The following TNFAIP8 variants were observed in gnomAD, a reference collection of about 807,000 sequenced individuals.
TNFAIP8 encodes the protein tumor necrosis factor alpha-induced protein 8.
Under a neutral mutation model 13.3 loss-of-function variants are expected in TNFAIP8, and 7 were observed. The observed-to-expected ratio is 0.52, with a 90% confidence interval of 0.30 to 0.99. TNFAIP8 has a LOEUF of 0.99. Ranked by LOEUF, TNFAIP8 falls within the 50% of genes least tolerant of loss-of-function variation. TNFAIP8 has a pLI of 0.07. For missense variants in TNFAIP8, 258 were observed against 236.9 expected (o/e 1.09, Z -0.58); for synonymous variants, 94 against 87.6 (o/e 1.07, Z -0.41).
chr5:119,383,435 C>T (rs1320980963), intron 1 of TNFAIP8, among the ~76,000 whole-genome samples: 2 of 152,340 alleles, frequency 1.3e-5, no homozygotes, highest in Middle Eastern at 6.8e-3. Context: ...TACATACTTG[C>T]TACCTTCTCA....
chr5:119,350,023 C>A (rs531600099), intron 1 of TNFAIP8, among the ~76,000 whole-genome samples: 30 of 152,310 alleles, frequency 2.0e-4, no homozygotes, highest in African/African-American at 7.0e-4. Flanking sequence ...AATCATGTAA[C>A]CTCCATTTCT....
At chr5:119,350,409 G>A (rs774391150) in intron 1 of TNFAIP8, among the ~76,000 whole-genome samples, 7 of 152,094 alleles carry the variant, frequency 4.6e-5, no homozygotes, top group Non-Finnish European at 8.8e-5. Context: ...GAGCATCTTC[G>A]GATTTTGGTA....
intron 1 of TNFAIP8, among the ~76,000 whole-genome samples, chr5:119,305,922 C>A (rs970389196): frequency 1.2e-4 from 19 of 152,220 alleles, no homozygotes; most frequent in Admixed American, 1.2e-3. Context: ...TTCCCACTTA[C>A]CTGTGCCGTG....
intron 1 of TNFAIP8, among the ~76,000 whole-genome samples, chr5:119,327,272 A>G (rs1750251695): frequency 6.6e-6 from 1 of 152,136 alleles, no homozygotes; most frequent in African/African-American, 2.4e-5. Flanking sequence ...TGTGGAGTAC[A>G]TGAACATGTG....
intron 1 of TNFAIP8, among the ~76,000 whole-genome samples, chr5:119,319,574 G>C (rs111238341): frequency 2.9e-4 from 44 of 152,244 alleles, no homozygotes; most frequent in African/African-American, 1.1e-3. Flanking sequence ...TAGAATTGGG[G>C]AACAAGATGG....
At chr5:119,367,937 A>T (rs1178781549) in intron 1 of TNFAIP8, among the ~76,000 whole-genome samples, 1 of 152,220 alleles carries the variant, frequency 6.6e-6, no homozygotes, top group Admixed American at 6.5e-5. Flanking sequence ...AAAATGAAAT[A>T]AGAGGATATT....
intron 1 of TNFAIP8, among the ~76,000 whole-genome samples, chr5:119,294,677 C>G (rs969143223): frequency 6.6e-6 from 1 of 152,018 alleles, no homozygotes; most frequent in African/African-American, 2.4e-5. Flanking sequence ...GACTCCACAT[C>G]CTCTCCACAT....
intron 1 of TNFAIP8, among the ~76,000 whole-genome samples, chr5:119,270,430 G>C (rs1748251658): frequency 6.6e-6 from 1 of 152,164 alleles, no homozygotes; most frequent in South Asian, 2.1e-4. Flanking sequence ...GCAAGCTATG[G>C]TTGTTGTTGT....
chr5:119,308,854 CAAAAAAAAA>C, intron 1 of TNFAIP8, among the ~76,000 whole-genome samples: 1 of 58,142 alleles, frequency 1.7e-5, no homozygotes, highest in Non-Finnish European at 4.8e-5. Context: ...GACTCCATCT[CAAAAAAAAA>C]AAAAAAAAAA....
intron 1 of TNFAIP8, among the ~76,000 whole-genome samples, chr5:119,356,335 G>A (rs1033488182): frequency 3.3e-5 from 5 of 152,158 alleles, no homozygotes; most frequent in Non-Finnish European, 2.9e-5. Context: ...GGGAGGGGAG[G>A]AAAAGTCGGA....
intron 1 of TNFAIP8, among the ~76,000 whole-genome samples, chr5:119,332,222 A>G (rs148462926): frequency 1.6e-3 from 251 of 152,308 alleles, no homozygotes; most frequent in African/African-American, 5.8e-3. Context: ...ATTTAGGTCA[A>G]TAATAATGCT....
At chr5:119,333,138 C>A (rs990983773) in intron 1 of TNFAIP8, 29 of 821,578 alleles carry the variant, frequency 3.5e-5, no homozygotes, top group African/African-American at 4.2e-5. Flanking sequence ...TTTCTATTTT[C>A]TAGCATGTTG....
At chr5:119,372,315 CCT>C (rs1230882926) in intron 1 of TNFAIP8, among the ~76,000 whole-genome samples, 4 of 119,910 alleles carry the variant, frequency 3.3e-5, no homozygotes, top group Non-Finnish European at 7.2e-5. Context: ...AGAGTGAGAC[CCT>C]GTCTCAAAAA....
At chr5:119,275,773 G>C (rs777424740) in intron 1 of TNFAIP8, among the ~76,000 whole-genome samples, 4 of 152,032 alleles carry the variant, frequency 2.6e-5, no homozygotes, top group African/African-American at 9.7e-5. Context: ...AATAATAAAG[G>C]TTTGCTACTG....
intron 1 of TNFAIP8, among the ~76,000 whole-genome samples, chr5:119,356,712 GT>G (rs1187400789): frequency 1.3e-5 from 2 of 152,128 alleles, no homozygotes; most frequent in Admixed American, 1.3e-4. Flanking sequence ...ACTGAGAAGA[GT>G]TTGTCTGTTT....
intron 1 of TNFAIP8, among the ~76,000 whole-genome samples, chr5:119,321,366 G>A (rs1156448952): frequency 6.6e-6 from 1 of 151,762 alleles, no homozygotes; most frequent in African/African-American, 2.4e-5. Context: ...AGCCAAGATT[G>A]AGAATCTGGA....
intron 1 of TNFAIP8, among the ~76,000 whole-genome samples, chr5:119,282,403 T>C (rs1274146415): frequency 2.6e-5 from 4 of 152,218 alleles, no homozygotes; most frequent in African/African-American, 9.6e-5. Context: ...TTTCCTCTGA[T>C]CTGGTGAGGC....
chr5:119,300,324 A>G (rs1191682762), intron 1 of TNFAIP8, among the ~76,000 whole-genome samples: 1 of 152,226 alleles, frequency 6.6e-6, no homozygotes, highest in Admixed American at 6.5e-5. Context: ...AAAGAAGGTT[A>G]AATTTGGTTC....
chr5:119,375,136 C>T (rs1012769723), intron 1 of TNFAIP8, among the ~76,000 whole-genome samples: 1 of 152,190 alleles, frequency 6.6e-6, no homozygotes, highest in Admixed American at 6.5e-5. Context: ...AGCTTTGCTT[C>T]AAATGGAGGA....
Sources: allele counts gnomAD v4.1 joint callset (sites outside exome capture counted in the v4.1 genomes callset), GRCh38; gene constraint gnomAD v4.1.1; transcripts MANE v1.5; gene names NCBI Gene and HGNC (gene_info 2026-07-23, HGNC 2026-07-21).